Variants in CDIN1 observed in about 807,000 individuals in gnomAD.
CDIN1 encodes the protein CDAN1 interacting nuclease 1, also known as CDAN1-interacting nuclease 1.
In CDIN1, 33 loss-of-function variants were observed where a neutral mutation model predicts 45.3. The observed-to-expected ratio is 0.73, with a 90% CI of 0.55 to 0.97. The LOEUF (loss-of-function observed/expected upper bound fraction) is 0.97. CDIN1 is among the 50% of genes least tolerant of loss of function. The pLI is 0.00. For synonymous variants in CDIN1, 118 were observed against 124.4 expected (o/e 0.95, Z 0.34); for missense variants, 303 against 339.4 (o/e 0.89, Z 0.84).
At chr15:36,667,553 T>TA (rs1377919385) in intron 5 of CDIN1, among the ~76,000 whole-genome samples, 1 of 152,200 alleles carries the variant, frequency 6.6e-6, no homozygotes, top group African/African-American at 2.4e-5. Flanking sequence ...AAAGGAAGTC[T>TA]ATTACTTTAT....
chr15:36,734,740 T>A, intron 10 of CDIN1, among the ~76,000 whole-genome samples: 1 of 152,200 alleles, frequency 6.6e-6, no homozygotes, highest in East Asian at 1.9e-4. Flanking sequence ...CTCAGAAGGT[T>A]GTGTTTTTAA....
intron 1 of CDIN1, among the ~76,000 whole-genome samples, chr15:36,599,053 T>C (rs2602923): frequency 0.84 from 127,500 of 151,558 alleles, 53,843 homozygotes; most frequent in Middle Eastern, 0.96. Flanking sequence ...GATGTGGGCC[T>C]GTGCTTATTT....
chr15:36,738,889 C>T (rs540482540), intron 10 of CDIN1, among the ~76,000 whole-genome samples: 2 of 152,232 alleles, frequency 1.3e-5, no homozygotes, highest in Non-Finnish European at 2.9e-5. Context: ...GTAATAAGAG[C>T]CTATTATGTG....
intron 7 of CDIN1, among the ~76,000 whole-genome samples, chr15:36,696,935 G>A (rs1023392789): frequency 1.5e-5 from 2 of 133,996 alleles, no homozygotes; most frequent in East Asian, 2.2e-4. Context: ...AACATAGTGC[G>A]ATTCCATTTC....
chr15:36,606,857 C>T (rs2038400855), intron 1 of CDIN1, among the ~76,000 whole-genome samples: 1 of 152,126 alleles, frequency 6.6e-6, no homozygotes, highest in Non-Finnish European at 1.5e-5. Flanking sequence ...TACCAGCAAG[C>T]TCTTTTTGTA....
intron 10 of CDIN1, among the ~76,000 whole-genome samples, chr15:36,749,428 T>A (rs893180402): frequency 6.6e-6 from 1 of 152,206 alleles, no homozygotes; most frequent in Admixed American, 6.5e-5. Flanking sequence ...ACTGGAGATA[T>A]GTGGCCCATG....
intron 8 of CDIN1, among the ~76,000 whole-genome samples, chr15:36,700,051 A>G (rs1273974062): frequency 6.6e-6 from 1 of 152,200 alleles, no homozygotes; most frequent in Non-Finnish European, 1.5e-5. Context: ...TAGACACTAG[A>G]TAAGTCAGAT....
intron 5 of CDIN1, among the ~76,000 whole-genome samples, chr15:36,687,051 G>A (rs567973387): frequency 6.6e-4 from 100 of 151,800 alleles, no homozygotes; most frequent in Admixed American, 4.7e-3. Flanking sequence ...AGGGAGGGAT[G>A]GAAGGAGAAA....
intron 5 of CDIN1, among the ~76,000 whole-genome samples, chr15:36,673,236 A>G (rs900440728): frequency 1.3e-5 from 2 of 152,130 alleles, no homozygotes; most frequent in Admixed American, 1.3e-4. Context: ...AGGCCCATTC[A>G]TCATGTCCTA....
At chr15:36,708,178 G>A (rs1475549306) in intron 8 of CDIN1, 3 of 152,156 alleles carry the variant, frequency 2.0e-5, no homozygotes, top group African/African-American at 7.2e-5. Flanking sequence ...TTGGAAATAA[G>A]CTACCCAACA....
At chr15:36,748,771 T>A (rs2053369679) in intron 10 of CDIN1, among the ~76,000 whole-genome samples, 1 of 152,136 alleles carries the variant, frequency 6.6e-6, no homozygotes, top group Admixed American at 6.6e-5. Flanking sequence ...ACTTCTGATT[T>A]GAGGGTCAGT....
chr15:36,787,381 T>C (rs2054519399), intron 10 of CDIN1, among the ~76,000 whole-genome samples: 1 of 152,200 alleles, frequency 6.6e-6, no homozygotes. Context: ...AGTGTAATAT[T>C]AGTAGCTGTG....
intron 1 of CDIN1, chr15:36,613,533 C>T (rs1176656947): frequency 2.6e-6 from 4 of 1,525,458 alleles, no homozygotes; most frequent in East Asian, 2.2e-5. Flanking sequence ...CAGCAGCAGG[C>T]AGATGATGCA....
At chr15:36,605,300 G>A (rs2038308118) in intron 1 of CDIN1, among the ~76,000 whole-genome samples, 1 of 151,928 alleles carries the variant, frequency 6.6e-6, no homozygotes, top group Non-Finnish European at 1.5e-5. Flanking sequence ...GTGACTAGCA[G>A]CATTTTTACT....
intron 5 of CDIN1, among the ~76,000 whole-genome samples, chr15:36,666,978 A>G (rs941684723): frequency 7.9e-5 from 12 of 152,368 alleles, no homozygotes; most frequent in Non-Finnish European, 1.3e-4. Flanking sequence ...AGATGAGGCA[A>G]CCGAGGTACC....
At chr15:36,698,488 GA>G (rs1327434732) in intron 8 of CDIN1, among the ~76,000 whole-genome samples, 1 of 152,152 alleles carries the variant, frequency 6.6e-6, no homozygotes, top group African/African-American at 2.4e-5. Context: ...TCAGCCTATG[GA>G]AAGATGGTAA....
chr15:36,737,566 C>T lies in CDIN1; in HGVS notation c.716+27605C>T, dbSNP rs137979360. Among the ~76,000 whole-genome samples the T allele has an allele frequency of 4.2e-3, 639 of 152,194 alleles. 2 individuals carry two copies. The highest frequency in any genetic ancestry group is 0.014 in the African/African-American group (600 of 41,514). On this transcript the variant is annotated intron_variant, in intron 10 of 10. Transcript: ENST00000566621. ...GCTCCCTTTTCTCTGTCTCTCATAT[C>T]CTGTCTCACTAATAGTCTGGGTCAA...
chr15:36,648,120 T>G (rs923140874), intron 3 of CDIN1, among the ~76,000 whole-genome samples: 1 of 152,096 alleles, frequency 6.6e-6, no homozygotes, highest in African/African-American at 2.4e-5. Flanking sequence ...ATTACAGGCG[T>G]GAGCCACCGT....
intron 5 of CDIN1, among the ~76,000 whole-genome samples, chr15:36,658,489 A>G (rs1183952281): frequency 6.6e-6 from 1 of 152,212 alleles, no homozygotes; most frequent in Non-Finnish European, 1.5e-5. Context: ...TTTATGAGTA[A>G]TATTCAATGT....
Sources: gnomAD v4.1 joint callset for allele counts (sites outside exome capture counted in the v4.1 genomes callset) on GRCh38, gnomAD v4.1.1 for gene constraint, MANE v1.5 for transcripts, NCBI Gene and HGNC (gene_info 2026-07-23, HGNC 2026-07-21) for gene names.